The following LCP2 variants were observed in gnomAD, a reference collection of about 807,000 sequenced individuals.
LCP2 encodes lymphocyte cytosolic protein 2.
A neutral mutation model predicts 74.5 loss-of-function variants in LCP2; 29 were observed. The ratio of observed to expected loss-of-function variants is 0.39; its 90% CI spans 0.29 to 0.53. The LOEUF is 0.53. LCP2 is among the 20% of genes least tolerant of loss of function. The pLI, the probability that LCP2 is intolerant of heterozygous loss-of-function variation, is 0.72. For synonymous variants in LCP2, 228 were observed against 229.5 expected (o/e 0.99, Z 0.06); for missense variants, 604 against 634.6 (o/e 0.95, Z 0.52).
chr5:170,297,147 C>A (rs528009962), intron 1 of LCP2, among the ~76,000 whole-genome samples: 1 of 152,280 alleles, frequency 6.6e-6, no homozygotes, highest in Non-Finnish European at 1.5e-5. Flanking sequence ...TTGAGTCTTG[C>A]CTCTATCACA....
chr5:170,293,384 A>T lies in LCP2; in HGVS notation c.79-12T>A. 6.3e-7 allele frequency: 1 copy of T among 1,584,600 alleles called. No individual in the cohort carries two copies. ...TCCTTATAGTTGAGCTGCAAAGAGA[A>T]GGGGAAGGTGTTGTTAGTGACGGGC... On this transcript the variant is annotated splice_polypyrimidine_tract_variant and intron_variant, in intron 1 of 20. Coordinates refer to ENST00000046794, the MANE Select transcript of LCP2 (RefSeq NM_005565.5).
chr5:170,254,921 C>A (rs890288709), intron 17 of LCP2, among the ~76,000 whole-genome samples: 1 of 152,168 alleles, frequency 6.6e-6, no homozygotes, highest in South Asian at 2.1e-4. Flanking sequence ...TAGAGAAGAC[C>A]GAGGACCAGG....
intron 7 of LCP2, 153 bp downstream of exon 7, chr5:170,270,566 G>T: frequency 8.1e-6 from 5 of 613,746 alleles, no homozygotes; most frequent in Non-Finnish European, 1.4e-5. Flanking sequence ...AGAGTTACTT[G>T]TACAAAGCCA....
Position 170,252,524 on chromosome 5 carries a change from AT to A in LCP2, c.1246-14del. On this transcript the variant is annotated splice_polypyrimidine_tract_variant and intron_variant, in intron 18 of 20. Coordinates refer to ENST00000046794, the MANE Select transcript of LCP2 (RefSeq NM_005565.5). Reference sequence around the variant, plus strand: ...CATTTAATGAATTCTGAAAATGTAAATTTTTAGAAACTGAATAAATTTTACA... The same window carrying A: ...CATTTAATGAATTCTGAAAATGTAAATTTTAGAAACTGAATAAATTTTACA... The A allele has an allele frequency of 1.4e-6, 2 of 1,380,430 alleles. No homozygotes were observed. Among genetic ancestry groups the A allele is most frequent in the Non-Finnish European group, 2.0e-6 (2 of 985,676 alleles). 85.5% of individuals were successfully genotyped at this position (1,380,430 alleles called of 1,614,324 possible).
In LCP2 at chr5:170,258,857, C is replaced by T. The variant is rs373269764; in HGVS notation, c.970+9G>A. 4.7e-5 allele frequency: 75 copies of T among 1,581,008 alleles called. No individual in the cohort carries two copies. The highest frequency in any genetic ancestry group is 2.6e-4 in the African/African-American group (19 of 74,238). On this transcript the variant is annotated intron_variant, in intron 15 of 20. Coordinates refer to ENST00000046794, the MANE Select transcript of LCP2 (RefSeq NM_005565.5). ...GTTATAGGCTGTAAGAATGTGTTTC[C>T]GAACATACCATCATCTTCATCCTGG...
intron 3 of LCP2, among the ~76,000 whole-genome samples, chr5:170,280,795 G>A (rs1413148812): frequency 6.6e-6 from 1 of 152,090 alleles, no homozygotes; most frequent in African/African-American, 2.4e-5. Context: ...TTCACTTGAG[G>A]TCAGGAGTTC....
At chr5:170,264,978 C>CTTTTTTTTTTTTT (rs58508083) in intron 10 of LCP2, among the ~76,000 whole-genome samples, 2 of 109,000 alleles carry the variant, frequency 1.8e-5, no homozygotes, top group African/African-American at 8.2e-5. Context: ...CAAAATTTGC[C>CTTTTTTTTTTTTT]TTTTTTTTTT....
At chr5:170,296,787 A>G (rs1329125524) in intron 1 of LCP2, among the ~76,000 whole-genome samples, 2 of 152,230 alleles carry the variant, frequency 1.3e-5, no homozygotes, top group Non-Finnish European at 2.9e-5. Context: ...CTCTGGTCCC[A>G]GCACCGCCAC....
At chr5:170,289,711 T>TTCTCTCTCTCTCTCTC (rs1561978510) in intron 2 of LCP2, among the ~76,000 whole-genome samples, 3 of 143,048 alleles carry the variant, frequency 2.1e-5, no homozygotes, top group African/African-American at 7.8e-5. Flanking sequence ...CCTTCTTTCT[T>TTCTCTCTCTCTCTCTC]TCTTTCCTTT....
chr5:170,291,745 G>A (rs1422538510), intron 2 of LCP2, among the ~76,000 whole-genome samples: 1 of 152,186 alleles, frequency 6.6e-6, no homozygotes, highest in East Asian at 1.9e-4. Flanking sequence ...CTTGCTCAGG[G>A]TGACCCAGGC....
At chr5:170,259,305 C>T (rs1447147755) in intron 14 of LCP2, among the ~76,000 whole-genome samples, 1 of 152,168 alleles carries the variant, frequency 6.6e-6, no homozygotes, top group African/African-American at 2.4e-5. Flanking sequence ...CCAGGAGTTG[C>T]AGAGATGGAT....
chr5:170,296,488 G>A (rs1251996332), intron 1 of LCP2, among the ~76,000 whole-genome samples: 1 of 152,074 alleles, frequency 6.6e-6, no homozygotes, highest in Non-Finnish European at 1.5e-5. Flanking sequence ...ATTTCCCCAG[G>A]AAAAACACGA....
In LCP2 at chr5:170,275,443, A is replaced by T. The variant is rs554928439; in HGVS notation, c.255-92T>A. On this transcript the variant is annotated intron_variant, in intron 4 of 20. Coordinates refer to ENST00000046794, the MANE Select transcript of LCP2 (RefSeq NM_005565.5). ...CCTGGTCCAGCGAGAGGGAGTCCCC[A>T]GTGGAGGGCATGTCTCACTGCTCAA... is the stretch of plus-strand genomic sequence containing the variant. The T allele has an allele frequency of 6.5e-4, 906 of 1,390,752 alleles. 7 individuals carry two copies. In the Middle Eastern group the frequency reaches 8.3e-3, roughly 13 times the overall value. 86.2% of individuals were successfully genotyped at this position (1,390,752 alleles called of 1,614,324 possible).
intron 5 of LCP2, among the ~76,000 whole-genome samples, chr5:170,274,698 C>G (rs1245832098): frequency 1.3e-5 from 2 of 152,174 alleles, no homozygotes; most frequent in Non-Finnish European, 2.9e-5. Flanking sequence ...TGCAACTGAA[C>G]AGTTGAAAAG....
intron 10 of LCP2, among the ~76,000 whole-genome samples, chr5:170,263,960 G>A (rs1293761215): frequency 2.6e-5 from 4 of 152,130 alleles, no homozygotes; most frequent in Admixed American, 1.3e-4. Context: ...AAACAGAGTC[G>A]AGAAGCCAGA....
At chr5:170,292,430 T>C (rs1421666259) in intron 2 of LCP2, among the ~76,000 whole-genome samples, 1 of 152,068 alleles carries the variant, frequency 6.6e-6, no homozygotes, top group Non-Finnish European at 1.5e-5. Flanking sequence ...AAGAAATGGA[T>C]TGGTGTTCTC....
chr5:170,275,788 C>G lies in LCP2; in HGVS notation c.254+7G>C. The G allele has an allele frequency of 6.3e-7, 1 of 1,575,404 alleles. No individual in the cohort carries two copies. Among genetic ancestry groups the G allele is most frequent in the Non-Finnish European group, 8.6e-7 (1 of 1,157,936 alleles). ...ATCTTGCGTTTCCTTACACCAGCCG[C>G]ACTCACTTGCGTGTGAAGATGCTCC... On this transcript the variant is annotated splice_region_variant and intron_variant, in intron 4 of 20. Coordinates refer to ENST00000046794, the MANE Select transcript of LCP2 (RefSeq NM_005565.5).
intron 2 of LCP2, among the ~76,000 whole-genome samples, chr5:170,288,713 A>AG (rs1279097470): frequency 6.6e-6 from 1 of 152,158 alleles, no homozygotes; most frequent in Non-Finnish European, 1.5e-5. Flanking sequence ...AGGGATATCA[A>AG]GGGGATTTCC....
Position 170,257,126 on chromosome 5 carries a change from C to T in LCP2, c.1101-551G>A, listed in dbSNP as rs983058147. Among the ~76,000 whole-genome samples, 5 of 152,170 alleles carry T rather than the reference C, an allele frequency of 3.3e-5. No homozygotes were observed. The East Asian group carries it at 5.8e-4, about 18-fold the overall frequency. On this transcript the variant is annotated intron_variant, in intron 16 of 20. Transcript: ENST00000046794. ...TGCAGTCTGTTCCCTCCACACTGAG[C>T]AGCAACTCCTGCACCCATCAGTCTA...
Sources: allele counts gnomAD v4.1 joint callset (sites outside exome capture counted in the v4.1 genomes callset), GRCh38; gene constraint gnomAD v4.1.1; transcripts MANE v1.5; gene names NCBI Gene and HGNC (gene_info 2026-07-23, HGNC 2026-07-21).